Variants in CNTNAP3B observed in about 807,000 individuals in gnomAD.
CNTNAP3B encodes contactin-associated protein-like 3B.
A neutral mutation model predicts 108.9 loss-of-function variants in CNTNAP3B; 25 were observed. The ratio of observed to expected loss-of-function variants is 0.23; its 90% confidence interval spans 0.17 to 0.32. The LOEUF (loss-of-function observed/expected upper bound fraction) is 0.32, where lower values mean the gene tolerates loss of function less well. Ranked by LOEUF, CNTNAP3B falls within the 10% of genes least tolerant of loss-of-function variation. CNTNAP3B has a pLI of 1.00. For synonymous variants in CNTNAP3B, 103 were observed against 473.4 expected, an observed-to-expected ratio of 0.22 and a Z score of 10.16; for missense variants, 252 against 1,210.4, an observed-to-expected ratio of 0.21 and a Z score of 11.75.
chr9:41,935,991 G>A (rs540802896), intron 14 of CNTNAP3B, among the ~76,000 whole-genome samples: 2 of 152,238 alleles, frequency 1.3e-5, no homozygotes, highest in Non-Finnish European at 1.5e-5. Flanking sequence ...CAAGTGATAC[G>A]TTCCTCTGGT....
chr9:42,035,609 A>G (rs1253947204), intron 3 of CNTNAP3B, among the ~76,000 whole-genome samples: 3 of 148,908 alleles, frequency 2.0e-5, no homozygotes, highest in Non-Finnish European at 4.5e-5. Context: ...ACAGTGCCTG[A>G]CACATAGTAC....
At chr9:42,018,814 T>C (rs1372714734) in intron 3 of CNTNAP3B, among the ~76,000 whole-genome samples, 1 of 151,874 alleles carries the variant, frequency 6.6e-6, no homozygotes, top group South Asian at 2.1e-4. Context: ...GGCAAGATAC[T>C]CAACCATGCG....
At chr9:42,012,336 TAAAGC>T (rs1265460761) in intron 4 of CNTNAP3B, among the ~76,000 whole-genome samples, 1 of 112,590 alleles carries the variant, frequency 8.9e-6, no homozygotes, top group Non-Finnish European at 1.8e-5. Flanking sequence ...AGACCGTTGG[TAAAGC>T]AACATCATTA....
intron 15 of CNTNAP3B, among the ~76,000 whole-genome samples, chr9:41,926,176 C>T (rs1342934467): frequency 6.6e-6 from 1 of 152,290 alleles, no homozygotes; most frequent in Non-Finnish European, 1.5e-5. Context: ...CTCCTTCCCA[C>T]ATGTATAACT....
intron 1 of CNTNAP3B, among the ~76,000 whole-genome samples, chr9:42,109,617 C>T (rs1164237248): frequency 1.4e-5 from 2 of 143,860 alleles, no homozygotes; most frequent in South Asian, 2.2e-4. Flanking sequence ...TACAGTATTA[C>T]TTAAAGGATT....
intron 3 of CNTNAP3B, among the ~76,000 whole-genome samples, chr9:42,072,737 G>A (rs1295656513): frequency 1.9e-5 from 2 of 107,308 alleles, no homozygotes; most frequent in Non-Finnish European, 3.7e-5. Flanking sequence ...CATGTAATTA[G>A]TAAGAATGTG....
chr9:42,120,088 C>T (rs1172490070), intron 1 of CNTNAP3B, among the ~76,000 whole-genome samples: 1 of 150,648 alleles, frequency 6.6e-6, no homozygotes, highest in Non-Finnish European at 1.5e-5. Flanking sequence ...TGACAAAGGG[C>T]TAATATCCAG....
Position 42,032,881 on chromosome 9 carries a change from C to G in CNTNAP3B, c.391-19356G>C, listed in dbSNP as rs566992473. ...CCTCACATGGCAGTGCTCTCTCTCT[C>G]TCTCTCCCCCTCTCTTCCTATAAGA... On this transcript the variant is annotated intron_variant, in intron 3 of 23. Coordinates refer to ENST00000377561, the MANE Select transcript of CNTNAP3B (RefSeq NM_001201380.3). 2.2e-5 allele frequency among the ~76,000 whole-genome samples: 3 copies of G among 133,448 alleles called. No homozygotes were observed. In the East Asian group the frequency reaches 7.0e-4, roughly 31 times the overall value. 87.5% of individuals were successfully genotyped at this position (133,448 alleles called of 152,430 possible). A position where few individuals can be genotyped will look rare whatever the true frequency, so the allele number is the denominator to read the frequency against.
At chr9:42,110,257 T>G (rs553405742) in intron 1 of CNTNAP3B, among the ~76,000 whole-genome samples, 1 of 135,788 alleles carries the variant, frequency 7.4e-6, no homozygotes, top group East Asian at 2.3e-4. Context: ...ACTCAATTCC[T>G]TCTGAGAAGG....
intron 2 of CNTNAP3B, among the ~76,000 whole-genome samples, chr9:42,094,468 A>C (rs1827860573): frequency 7.7e-6 from 1 of 129,274 alleles, no homozygotes; most frequent in Non-Finnish European, 1.6e-5. Context: ...CAGCCTGAGC[A>C]ACATAATGAG....
At chr9:42,086,294 G>C (rs1258722524) in intron 2 of CNTNAP3B, among the ~76,000 whole-genome samples, 1 of 138,936 alleles carries the variant, frequency 7.2e-6, no homozygotes, top group East Asian at 2.2e-4. Flanking sequence ...ACAACACCTA[G>C]GAATTATGAG....
Position 41,990,560 on chromosome 9 carries a change from A to T in CNTNAP3B, c.1333+1050T>A, listed in dbSNP as rs78970878. ...CAACATTTAATAGCAGTATAGTCAC[A>T]TGTGCCTCTTACAGCCAAAAGGAAT... is the stretch of plus-strand genomic sequence containing the variant. On this transcript the variant is annotated intron_variant, in intron 8 of 23. Coordinates refer to ENST00000377561, the MANE Select transcript of CNTNAP3B (RefSeq NM_001201380.3). Among the ~76,000 whole-genome samples, 5 of 103,672 alleles carry T rather than the reference A, an allele frequency of 4.8e-5. 2 individuals carry two copies. The South Asian group carries it at 1.6e-3, about 33-fold the overall frequency. 68.0% of individuals were successfully genotyped at this position (103,672 alleles called of 152,430 possible). A position where few individuals can be genotyped will look rare whatever the true frequency, so the allele number is the denominator to read the frequency against.
In CNTNAP3B at chr9:42,114,896, A is replaced by G. The variant is rs1828278371; in HGVS notation, c.86-10157T>C. Among the ~76,000 whole-genome samples, 6 of 134,436 alleles carry G rather than the reference A, an allele frequency of 4.5e-5. 1 individual carries two copies. In the South Asian group the frequency reaches 1.5e-3, roughly 33 times the overall value. The allele number at this position is 134,436 out of a possible 152,430, so 88.2% of individuals were successfully genotyped here. On this transcript the variant is annotated intron_variant, in intron 1 of 23. Coordinates refer to ENST00000377561, the MANE Select transcript of CNTNAP3B (RefSeq NM_001201380.3). ...TGGTGAAACTCCATCTTTAGTAAAA[A>G]TACAAAAATTAGCTGGGCATGGTAG...
At chr9:41,956,536 T>A (rs1282207415) in intron 12 of CNTNAP3B, among the ~76,000 whole-genome samples, 1 of 151,980 alleles carries the variant, frequency 6.6e-6, no homozygotes, top group Non-Finnish European at 1.5e-5. Context: ...TCATATGAAA[T>A]CCCCAGCATC....
At chr9:42,111,967 T>A (rs576388610) in intron 1 of CNTNAP3B, among the ~76,000 whole-genome samples, 12 of 139,002 alleles carry the variant, frequency 8.6e-5, no homozygotes, top group Non-Finnish European at 3.1e-5. Flanking sequence ...ATCAACGAGC[T>A]CCAATGGATC....
chr9:41,956,516 A>T (rs1267836330), intron 12 of CNTNAP3B, among the ~76,000 whole-genome samples: 1 of 152,186 alleles, frequency 6.6e-6, no homozygotes, highest in African/African-American at 2.4e-5. Context: ...CTTAAAATTT[A>T]CTCAGTATAT....
chr9:41,976,951 C>T (rs948132441), intron 9 of CNTNAP3B, among the ~76,000 whole-genome samples: 1 of 142,192 alleles, frequency 7.0e-6, no homozygotes, highest in African/African-American at 2.7e-5. Context: ...ACACCACCCC[C>T]CTAAATTTTA....
At position 42,002,813 on chromosome 9, in the gene CNTNAP3B, C is replaced by T. The variant is rs1470428333; in HGVS notation, c.539-4209G>A. ...TTCTTTAGACTCCTGCAAAGTATGA[C>T]GCTTCTGAAAAGCTAAGACATAAGT... is the stretch of plus-strand genomic sequence containing the variant. On this transcript the variant is annotated intron_variant, in intron 4 of 23. Coordinates refer to ENST00000377561, the MANE Select transcript of CNTNAP3B (RefSeq NM_001201380.3). Among the ~76,000 whole-genome samples the T allele has an allele frequency of 8.2e-5, 11 of 133,400 alleles. 2 individuals are homozygous for T. Among genetic ancestry groups the T allele is most frequent in the Non-Finnish European group, 7.9e-5 (5 of 63,048 alleles). 87.5% of individuals were successfully genotyped at this position (133,400 alleles called of 152,430 possible).
Position 42,118,333 on chromosome 9 carries a change from C to A in CNTNAP3B, c.85+10677G>T, listed in dbSNP as rs1306088504. ...CATCAAAAAGCTTATCCACCATGAT[C>A]AAGCGGGCTTCAGCCCTGGGACGCA... On this transcript the variant is annotated intron_variant, in intron 1 of 23. Coordinates refer to ENST00000377561, the MANE Select transcript of CNTNAP3B (RefSeq NM_001201380.3). Among the ~76,000 whole-genome samples, 6 of 139,676 alleles carry A rather than the reference C, an allele frequency of 4.3e-5. 1 individual carries two copies. The highest frequency in any genetic ancestry group is 9.2e-5 in the Non-Finnish European group (6 of 65,072). 91.6% of individuals were successfully genotyped at this position (139,676 alleles called of 152,430 possible). A position where few individuals can be genotyped will look rare whatever the true frequency, so the allele number is the denominator to read the frequency against.
Sources: gnomAD v4.1 joint callset for allele counts (sites outside exome capture counted in the v4.1 genomes callset) on GRCh38, gnomAD v4.1.1 for gene constraint, MANE v1.5 for transcripts, NCBI Gene and HGNC (gene_info 2026-07-23, HGNC 2026-07-21) for gene names.